Variants in GCFC2 observed in about 807,000 individuals in gnomAD.
GCFC2 encodes the protein intron Large complex component GCFC2.
A neutral mutation model predicts 99.4 loss-of-function variants in GCFC2; 102 were observed. The ratio of observed to expected loss-of-function variants is 1.03; its 90% CI spans 0.87 to 1.21. The LOEUF (loss-of-function observed/expected upper bound fraction) is 1.21. Ranked by LOEUF, GCFC2 falls within the 50% of genes most tolerant of loss-of-function variation. The pLI is 0.00. For synonymous variants in GCFC2, 338 were observed against 316.8 expected (o/e 1.07, Z -0.71); for missense variants, 973 against 920.9 (o/e 1.06, Z -0.73).
At chr2:75,674,391 T>C (rs11126481) in intron 12 of GCFC2, among the ~76,000 whole-genome samples, 211 of 152,326 alleles carry the variant, frequency 1.4e-3, no homozygotes, top group Non-Finnish European at 2.7e-3. Flanking sequence ...TATCATAAAC[T>C]TTAGCTGAAG....
At chr2:75,710,279 T>C (rs1167903971) in intron 1 of GCFC2, among the ~76,000 whole-genome samples, 3 of 152,204 alleles carry the variant, frequency 2.0e-5, no homozygotes, top group Non-Finnish European at 4.4e-5. Context: ...ACAGTTTAGG[T>C]TCTTCATAAA....
intron 14 of GCFC2, 130 bp from the exon 15 acceptor site, chr2:75,670,414 A>G: frequency 1.7e-6 from 1 of 580,850 alleles, no homozygotes; most frequent in Non-Finnish European, 3.1e-6. Flanking sequence ...TGTCAATTTT[A>G]GAATACAATA....
upstream of GCFC2, among the ~76,000 whole-genome samples, chr2:75,712,889 C>T (rs1243242795): frequency 6.6e-6 from 1 of 152,184 alleles, no homozygotes; most frequent in Non-Finnish European, 1.5e-5. Context: ...ATATTGGCAC[C>T]TTGAAATCAG....
chr2:75,689,989 A>G lies in GCFC2; in HGVS notation c.1319T>C (p.Ile440Thr), dbSNP rs762980355. 44 of 1,594,964 alleles carry G rather than the reference A, an allele frequency of 2.8e-5. No individual in the cohort carries two copies. The highest frequency in any genetic ancestry group is 1.7e-4 in the Middle Eastern group (1 of 6,046). The change falls in exon 9 of 17, where the codon ATT becomes ACT. Residue 440 changes from isoleucine (I) to threonine (T), a missense_variant. By Grantham distance (89) the Ile-to-Thr change is moderately conservative (BLOSUM62 -1). Coordinates refer to ENST00000321027, the MANE Select transcript of GCFC2 (RefSeq NM_003203.5). The part of the protein sequence containing the change: ...SDDELPSAEM[I>T]DFQKSQGDIL... ...CTGACCTTGGCTTTTTTGGAAGTCA[A>G]TCATCTCTGCTGAAGGCAGTTCATC... is the stretch of plus-strand genomic sequence containing the variant.
intron 16 of GCFC2, among the ~76,000 whole-genome samples, chr2:75,664,997 A>G (rs1375975134): frequency 6.6e-6 from 1 of 152,178 alleles, no homozygotes; most frequent in African/African-American, 2.4e-5. Context: ...GCAAATTTCA[A>G]TGTGAATTAC....
At chr2:75,711,001 G>T, upstream of GCFC2, 2 of 1,342,600 alleles carry the variant, frequency 1.5e-6, no homozygotes, top group Non-Finnish European at 1.9e-6. Context: ...CCGCTACTCT[G>T]TCTGCGCCTG....
intron 12 of GCFC2, among the ~76,000 whole-genome samples, chr2:75,674,248 C>T (rs556251854): frequency 1.3e-5 from 2 of 152,234 alleles, no homozygotes; most frequent in East Asian, 3.9e-4. Context: ...CTTTTATATA[C>T]TCCAGCTGTG....
At chr2:75,692,146 A>T in intron 6 of GCFC2, 46 bp from the exon 7 acceptor site, 1 of 395,076 alleles carries the variant, frequency 2.5e-6, no homozygotes. Context: ...TCGATAATGA[A>T]ATATATATAT....
intron 5 of GCFC2, among the ~76,000 whole-genome samples, 175 bp downstream of exon 5, chr2:75,696,025 G>GA (rs1680304296): frequency 6.6e-6 from 1 of 152,094 alleles, no homozygotes; most frequent in Non-Finnish European, 1.5e-5. Flanking sequence ...ATATGGGGGG[G>GA]ACTAGTGTAT....
At position 75,710,609 on chromosome 2, in the gene GCFC2, G is replaced by C. The variant is rs1173838337; in HGVS notation, c.247C>G (p.Arg83Gly). The change falls in exon 1 of 17, where the codon CGC becomes GGC. Residue 83 changes from arginine (R) to glycine (G), a missense_variant. Transcript: ENST00000321027. ...SSRRATKAAP[R>G]ADEGSESRTL... The stretch of plus-strand genomic sequence containing the variant: ...TGGACACCTGAGCCTTCGTCCGCGC[G>C]GGGAGCCGCTTTGGTGGCACGCCGG... 7.3e-6 allele frequency: 11 copies of C among 1,514,146 alleles called. No homozygotes were observed. Among genetic ancestry groups the C allele is most frequent in the Non-Finnish European group, 8.8e-6 (10 of 1,138,218 alleles). 93.8% of individuals were successfully genotyped at this position (1,514,146 alleles called of 1,614,324 possible).
rs184456563 is a variant in GCFC2 at position 75,694,990 on chromosome 2, T to A, written c.834-563A>T. Among the ~76,000 whole-genome samples, 231 of 152,162 alleles carry A rather than the reference T, an allele frequency of 1.5e-3. 2 individuals are homozygous for A. Among genetic ancestry groups the A allele is most frequent in the Non-Finnish European group, 2.7e-3 (182 of 67,992 alleles). On this transcript the variant is annotated intron_variant, in intron 5 of 16. Transcript: ENST00000321027. ...TCCTTTCCACTGGTTATTTTATTTT[T>A]TAACAATGAGAGTGTATGGTCTTTT...
intron 3 of GCFC2, chr2:75,701,942 C>A: frequency 8.1e-7 from 1 of 1,229,874 alleles, no homozygotes; most frequent in South Asian, 2.7e-5. Flanking sequence ...AGATACTGCA[C>A]ATTTTTTTTA....
chr2:75,674,022 T>C (rs1474954380), intron 12 of GCFC2, among the ~76,000 whole-genome samples: 1 of 152,226 alleles, frequency 6.6e-6, no homozygotes, highest in Non-Finnish European at 1.5e-5. Context: ...TTTCTTGTTT[T>C]TTAATGTTTG....
chr2:75,666,029 AT>A lies in GCFC2; in HGVS notation c.2127del (p.Lys709AsnfsTer8). ...GTCCTCATGGCAGAATTTTCAAACC[AT>A]TTTTCTGGTAGACATGCTGCTACCT... The part of the protein sequence containing the change: ...CNQVAACLPE[K>X]WFENSAMRTS... On this transcript the variant is annotated frameshift_variant, in exon 16 of 17. Transcript: ENST00000321027. LOFTEE classifies it high-confidence loss of function. 6.2e-7 allele frequency: 1 copy of A among 1,607,410 alleles called. No individual in the cohort carries two copies. The highest frequency in any genetic ancestry group is 1.3e-5 in the African/African-American group (1 of 74,768).
chr2:75,687,151 G>A (rs1679855349), intron 11 of GCFC2, among the ~76,000 whole-genome samples: 1 of 152,140 alleles, frequency 6.6e-6, no homozygotes, highest in South Asian at 2.1e-4. Context: ...GGCCAGGCTG[G>A]TCTTGAACTC....
At chr2:75,692,565 T>G (rs551725710) in intron 6 of GCFC2, among the ~76,000 whole-genome samples, 1 of 151,948 alleles carries the variant, frequency 6.6e-6, no homozygotes, top group Non-Finnish European at 1.5e-5. Flanking sequence ...GAGAATCGCT[T>G]GAACTCTGGA....
intron 2 of GCFC2, among the ~76,000 whole-genome samples, chr2:75,705,435 A>G (rs1680809662): frequency 6.6e-6 from 1 of 151,908 alleles, no homozygotes; most frequent in African/African-American, 2.4e-5. Flanking sequence ...CATCTTGGCT[A>G]ACACGGTGAA....
intron 12 of GCFC2, chr2:75,679,799 A>T (rs1217916479): frequency 7.5e-6 from 3 of 401,684 alleles, no homozygotes; most frequent in Non-Finnish European, 1.3e-5. Context: ...CATAATCCTG[A>T]AAGATGGCTG....
At chr2:75,668,193 T>G (rs1200110142) in intron 15 of GCFC2, among the ~76,000 whole-genome samples, 1 of 152,192 alleles carries the variant, frequency 6.6e-6, no homozygotes, top group Non-Finnish European at 1.5e-5. Flanking sequence ...CAGGGCCCAC[T>G]TAAGATTAAA....
Sources: gnomAD v4.1 joint callset for allele counts (sites outside exome capture counted in the v4.1 genomes callset) on GRCh38, gnomAD v4.1.1 for gene constraint, MANE v1.5 for transcripts, NCBI Gene and HGNC (gene_info 2026-07-23, HGNC 2026-07-21) for gene names.